The following ZSWIM5 variants were observed in gnomAD, a reference collection of about 807,000 sequenced individuals.
ZSWIM5 encodes zinc finger SWIM-type containing 5.
In ZSWIM5, 55 loss-of-function variants were observed where a neutral mutation model predicts 119.6. The observed-to-expected ratio is 0.46, with a 90% CI of 0.37 to 0.58. ZSWIM5 has a LOEUF of 0.58. Ranked by LOEUF, ZSWIM5 falls within the 20% of genes least tolerant of loss-of-function variation. The pLI is 0.00. For missense variants in ZSWIM5, 1,193 were observed against 1,512.8 expected (o/e 0.79, Z 3.51); for synonymous variants, 537 against 606.9 (o/e 0.88, Z 1.69).
At chr1:45,160,161 T>G (rs1275071312) in intron 1 of ZSWIM5, among the ~76,000 whole-genome samples, 2 of 133,842 alleles carry the variant, frequency 1.5e-5, no homozygotes, top group African/African-American at 5.7e-5. Flanking sequence ...ATATATATAC[T>G]TTTTTTGTTG....
chr1:45,079,625 T>G (rs1335059770), intron 2 of ZSWIM5, among the ~76,000 whole-genome samples: 1 of 152,202 alleles, frequency 6.6e-6, no homozygotes, highest in African/African-American at 2.4e-5. Context: ...GTGGCTGAGC[T>G]GGTACCTAAG....
At chr1:45,205,658 G>C (rs1453862786) in intron 1 of ZSWIM5, 98 bp downstream of exon 1, 2 of 1,288,108 alleles carry the variant, frequency 1.6e-6, no homozygotes, top group Non-Finnish European at 2.0e-6. Flanking sequence ...ACAGGAGTTG[G>C]GCAGAAGGCC....
chr1:45,202,905 A>G (rs922041317), intron 1 of ZSWIM5, among the ~76,000 whole-genome samples: 43 of 152,042 alleles, frequency 2.8e-4, no homozygotes, highest in African/African-American at 9.9e-4. Flanking sequence ...AGACTCCTGA[A>G]TAAGTATTTT....
At chr1:45,115,748 A>C (rs1229823207) in intron 1 of ZSWIM5, among the ~76,000 whole-genome samples, 1 of 146,984 alleles carries the variant, frequency 6.8e-6, no homozygotes, top group Admixed American at 6.8e-5. Context: ...GGCTGGGAAG[A>C]GGCGCTCCTC....
chr1:45,035,591 A>G, intron 10 of ZSWIM5, 97 bp downstream of exon 10: 2 of 1,489,814 alleles, frequency 1.3e-6, no homozygotes, highest in Non-Finnish European at 1.8e-6. Context: ...ACAGAATGAC[A>G]AAGAGGGAAA....
At chr1:45,102,063 T>A (rs1009862934) in intron 1 of ZSWIM5, among the ~76,000 whole-genome samples, 5 of 151,868 alleles carry the variant, frequency 3.3e-5, no homozygotes, top group Non-Finnish European at 7.4e-5. Flanking sequence ...CTGTGAACTA[T>A]GTATTTTATA....
intron 1 of ZSWIM5, among the ~76,000 whole-genome samples, chr1:45,160,822 A>ATTTT (rs36092606): frequency 7.9e-6 from 1 of 127,000 alleles, no homozygotes; most frequent in Non-Finnish European, 1.6e-5. Context: ...TGCCTGGGTA[A>ATTTT]TTTTTTTTTT....
Position 45,205,843 on chromosome 1 carries a change from C to CGCCG in ZSWIM5, c.504_507dup (p.Ala170ArgfsTer40). ...AGCCCCTCGCCACCGCAGCCGGCCGCGCCGGCCCCTGCGCCCAGCCCGGGG... is the reference window on the plus strand; with the variant it reads ...AGCCCCTCGCCACCGCAGCCGGCCGCGCCGGCCGGCCCCTGCGCCCAGCCCGGGG... On this transcript the variant is annotated frameshift_variant, in exon 1 of 14. Transcript: ENST00000359600. LOFTEE classifies it high-confidence loss of function. 1 of 1,480,154 alleles carries CGCCG rather than the reference C, an allele frequency of 6.8e-7. No homozygotes were observed. Among genetic ancestry groups the CGCCG allele is most frequent in the Non-Finnish European group, 9.0e-7 (1 of 1,113,974 alleles). 91.7% of individuals were successfully genotyped at this position (1,480,154 alleles called of 1,614,324 possible).
chr1:45,128,783 T>C (rs532098045), intron 1 of ZSWIM5, among the ~76,000 whole-genome samples: 7 of 152,328 alleles, frequency 4.6e-5, no homozygotes, highest in East Asian at 1.9e-4. Context: ...TTATTCATCC[T>C]TTCCCTGCTA....
In ZSWIM5 at chr1:45,019,204, G is replaced by A. The variant is rs1644872809; in HGVS notation, c.2808C>T (p.Leu936=). Residue 936 remains leucine (L), a synonymous_variant, in exon 14 of 14, where the codon CTC becomes CTT. Transcript: ENST00000359600. This position sits in a 1 kb window ranked among gnomAD's most constrained non-coding sequence, Gnocchi z 5.0. ...TAVSHTTILR[L]SLDYPQREEL... ...CCTCCCGCTGTGGATAGTCAAGACT[G>A]AGGCGCAGGATAGTGGTGTGGGATA... is the stretch of plus-strand genomic sequence containing the variant. 6.2e-7 allele frequency: 1 copy of A among 1,613,674 alleles called. No homozygotes were observed. Among genetic ancestry groups the A allele is most frequent in the Non-Finnish European group, 8.5e-7 (1 of 1,180,028 alleles).
At chr1:45,054,148 T>C (rs762143801) in intron 4 of ZSWIM5, among the ~76,000 whole-genome samples, 6 of 151,908 alleles carry the variant, frequency 3.9e-5, no homozygotes, top group Non-Finnish European at 4.4e-5. Flanking sequence ...TGTGATAGCC[T>C]CTGCCTGTAA....
At chr1:45,196,690 G>C (rs181574600) in intron 1 of ZSWIM5, among the ~76,000 whole-genome samples, 1 of 151,954 alleles carries the variant, frequency 6.6e-6, no homozygotes, top group Non-Finnish European at 1.5e-5. Flanking sequence ...ACGCCCGGCT[G>C]AAGCCCACAA....
At chr1:45,142,408 G>A (rs1645732636) in intron 1 of ZSWIM5, among the ~76,000 whole-genome samples, 1 of 152,130 alleles carries the variant, frequency 6.6e-6, no homozygotes, top group African/African-American at 2.4e-5. Context: ...CTAGAGTACA[G>A]TGGCACAATC....
intron 1 of ZSWIM5, among the ~76,000 whole-genome samples, chr1:45,099,155 G>C (rs1211890910): frequency 6.6e-6 from 1 of 152,056 alleles, no homozygotes; most frequent in Non-Finnish European, 1.5e-5. Flanking sequence ...CCGCTAGCAA[G>C]ACTAGTAAAG....
intron 10 of ZSWIM5, among the ~76,000 whole-genome samples, chr1:45,035,379 T>G (rs1360163561): frequency 6.6e-6 from 1 of 152,148 alleles, no homozygotes; most frequent in East Asian, 1.9e-4. Flanking sequence ...CTCAGACCCC[T>G]TCTCAGCTTG....
intron 1 of ZSWIM5, among the ~76,000 whole-genome samples, chr1:45,129,837 A>G (rs1219426925): frequency 6.6e-6 from 1 of 152,246 alleles, no homozygotes; most frequent in South Asian, 2.1e-4. Flanking sequence ...ATAGAAAAAA[A>G]TCTTCAGGAT....
intron 2 of ZSWIM5, among the ~76,000 whole-genome samples, chr1:45,073,798 C>T (rs977567138): frequency 2.6e-5 from 4 of 151,848 alleles, no homozygotes; most frequent in Non-Finnish European, 4.4e-5. Context: ...ATGGGGCATC[C>T]TTGTCACGTT....
At chr1:45,076,030 C>T (rs775112314) in intron 2 of ZSWIM5, among the ~76,000 whole-genome samples, 7 of 152,018 alleles carry the variant, frequency 4.6e-5, no homozygotes, top group African/African-American at 1.7e-4. Context: ...TAACTTCGTG[C>T]CCCTGCTTCT....
intron 1 of ZSWIM5, among the ~76,000 whole-genome samples, chr1:45,147,718 C>T (rs1009137121): frequency 3.9e-5 from 6 of 151,920 alleles, no homozygotes; most frequent in African/African-American, 1.5e-4. Flanking sequence ...CTTACTCTTC[C>T]CTTTTCTCAT....
Sources: allele counts gnomAD v4.1 joint callset (sites outside exome capture counted in the v4.1 genomes callset), GRCh38; gene constraint gnomAD v4.1.1; non-coding constraint Gnocchi (gnomAD v3.1); transcripts MANE v1.5; gene names NCBI Gene and HGNC (gene_info 2026-07-23, HGNC 2026-07-21).